Variants in DLGAP4 observed in about 807,000 individuals in gnomAD.
The protein encoded by DLGAP4 is disks large-associated protein 4.
Under a neutral mutation model 86.9 loss-of-function variants are expected in DLGAP4, and 18 were observed. That is an observed-to-expected ratio of 0.21 (90% CI 0.14 to 0.31). The LOEUF (loss-of-function observed/expected upper bound fraction) is 0.31, where lower values mean the gene tolerates loss of function less well. Ranked by LOEUF, DLGAP4 falls within the 10% of genes least tolerant of loss-of-function variation. The probability of loss-of-function intolerance (pLI) is 1.00; values close to 1 mark genes in which losing one functional copy is unlikely to be tolerated. For missense variants in DLGAP4, 1,085 were observed against 1,362.6 expected, an observed-to-expected ratio of 0.80 and a Z score of 3.21; for synonymous variants, 548 against 574.3, an observed-to-expected ratio of 0.95 and a Z score of 0.65.
chr20:36,317,453 C>CTTTTCTTTT (rs1569452788), intron 1 of DLGAP4, among the ~76,000 whole-genome samples: 1 of 110,598 alleles, frequency 9.0e-6, no homozygotes, highest in Non-Finnish European at 1.9e-5. Context: ...CCTTTCTTTT[C>CTTTTCTTTT]CTTCTCTTTC....
At chr20:36,505,664 T>G (rs2036331567) in intron 10 of DLGAP4, among the ~76,000 whole-genome samples, 1 of 151,968 alleles carries the variant, frequency 6.6e-6, no homozygotes, top group African/African-American at 2.4e-5. Context: ...TCATTCCAGC[T>G]ATTCGGGAGG....
Position 36,308,987 on chromosome 20 carries a change from C to A in DLGAP4, c.-304+2475C>A, listed in dbSNP as rs1479079517. On this transcript the variant is annotated intron_variant, in intron 1 of 12. Coordinates refer to ENST00000339266, the MANE Select transcript of DLGAP4 (RefSeq NM_001365621.2). This position sits in a 1 kb window ranked among gnomAD's most constrained non-coding sequence, Gnocchi z 4.5. ...CCCCAACTAGCTACTTTCTAGCCAC[C>A]TCTTGCTCCCCACCCCCTCCCTCTT... Among the ~76,000 whole-genome samples the A allele has an allele frequency of 6.6e-6, 1 of 151,800 alleles. No homozygotes were observed. Among genetic ancestry groups the A allele is most frequent in the Non-Finnish European group, 1.5e-5 (1 of 67,970 alleles).
At chr20:36,442,686 G>A in intron 5 of DLGAP4, 41 bp from the exon 6 acceptor site, 2 of 1,610,840 alleles carry the variant, frequency 1.2e-6, no homozygotes, top group South Asian at 2.2e-5. Flanking sequence ...CCCAGCCCCA[G>A]CCCTGGTCCT....
intron 2 of DLGAP4, among the ~76,000 whole-genome samples, chr20:36,422,894 C>T (rs913549439): frequency 3.9e-5 from 6 of 152,136 alleles, no homozygotes; most frequent in African/African-American, 1.4e-4. Flanking sequence ...AAAGGCAGCT[C>T]GAGGCAGCCA....
chr20:36,419,781 A>G (rs2032769778), intron 2 of DLGAP4, among the ~76,000 whole-genome samples: 1 of 152,232 alleles, frequency 6.6e-6, no homozygotes, highest in Non-Finnish European at 1.5e-5. Context: ...CCAAGGGAGC[A>G]AAGCAGAAGC....
chr20:36,457,457 G>A (rs2033907359), intron 7 of DLGAP4, among the ~76,000 whole-genome samples: 1 of 142,924 alleles, frequency 7.0e-6, no homozygotes, highest in African/African-American at 2.6e-5. Context: ...TGGCTGCAAT[G>A]TCCGCCTCCC....
At chr20:36,413,819 T>C (rs1038725757) in intron 2 of DLGAP4, among the ~76,000 whole-genome samples, 1 of 152,210 alleles carries the variant, frequency 6.6e-6, no homozygotes, top group Non-Finnish European at 1.5e-5. Context: ...TGCTGAGACA[T>C]GGATCAGAAC....
rs1459849225 is a variant in DLGAP4, at chr20:36,446,764, C to T, written c.1475C>T (p.Ser492Phe). 6.2e-7 allele frequency: 1 copy of T among 1,612,914 alleles called. No homozygotes were observed. Reference sequence around the variant, plus strand: ...GAGTCAGCCTGCAGTGAAGCGGAGTCCACAGCGGCAGAGACGCTTGACTTG... The same window carrying T: ...GAGTCAGCCTGCAGTGAAGCGGAGTTCACAGCGGCAGAGACGCTTGACTTG... Reference protein sequence around the residue: ...ACESACSEAESTAAETLDLPL... With the variant: ...ACESACSEAEFTAAETLDLPL... The change falls in exon 7 of 13, where the codon TCC (serine) becomes TTC (phenylalanine). Residue 492 changes from serine (S) to phenylalanine (F), a missense_variant. Physicochemically the swap from Ser to Phe is radical, Grantham distance 155 (BLOSUM62 -2). Coordinates refer to ENST00000339266, the MANE Select transcript of DLGAP4 (RefSeq NM_001365621.2).
chr20:36,307,313 G>A (rs1555889582), intron 1 of DLGAP4, among the ~76,000 whole-genome samples: 1 of 152,204 alleles, frequency 6.6e-6, no homozygotes, highest in African/African-American at 2.4e-5. Flanking sequence ...GGGTCCAGAT[G>A]TGCTGGGCCT....
Position 36,431,993 on chromosome 20 carries a change from C to T in DLGAP4, c.276C>T (p.Ala92=), listed in dbSNP as rs1184980829. 1 of 1,614,106 alleles carries T rather than the reference C, an allele frequency of 6.2e-7. No homozygotes were observed. Among genetic ancestry groups the T allele is most frequent in the African/African-American group, 1.3e-5 (1 of 74,952 alleles). The part of the protein sequence containing the change: ...VPEESPFPSH[A]QATKINRLPA... ...AGGAGAGCCCCTTCCCCAGCCATGC[C>T]CAAGCCACCAAGATCAACCGGCTGC... Residue 92 remains alanine (A), a synonymous_variant, in exon 3 of 13, where the codon GCC becomes GCT. Transcript: ENST00000339266. The surrounding 1 kb of genome is among the most constrained non-coding windows in gnomAD (Gnocchi z 5.1).
intron 11 of DLGAP4, among the ~76,000 whole-genome samples, 180 bp downstream of exon 11, chr20:36,524,521 G>A (rs1166809481): frequency 6.6e-6 from 1 of 152,230 alleles, no homozygotes; most frequent in African/African-American, 2.4e-5. Context: ...GGGGGCAAAA[G>A]TGGCCCTATC....
intron 2 of DLGAP4, among the ~76,000 whole-genome samples, chr20:36,377,076 T>G (rs768669870): frequency 3.3e-5 from 5 of 152,110 alleles, no homozygotes; most frequent in Non-Finnish European, 5.9e-5. Flanking sequence ...GAGAGGGGCT[T>G]GGCTTCCTGC....
At chr20:36,440,784 G>A (rs1173796695) in intron 5 of DLGAP4, among the ~76,000 whole-genome samples, 1 of 152,008 alleles carries the variant, frequency 6.6e-6, no homozygotes, top group Non-Finnish European at 1.5e-5. Flanking sequence ...AGCCCCCCGA[G>A]AAGGCAGACA....
At chr20:36,318,126 A>T (rs2065128730) in intron 1 of DLGAP4, among the ~76,000 whole-genome samples, 1 of 143,820 alleles carries the variant, frequency 7.0e-6, no homozygotes, top group African/African-American at 2.5e-5. Context: ...ACACACACAC[A>T]CACACACACA....
intron 5 of DLGAP4, among the ~76,000 whole-genome samples, chr20:36,441,226 T>A (rs2033438632): frequency 6.6e-6 from 1 of 152,184 alleles, no homozygotes; most frequent in African/African-American, 2.4e-5. Context: ...CCCTGTTGGA[T>A]CCTGTCCCTT....
At chr20:36,427,662 G>T (rs868783167) in intron 2 of DLGAP4, among the ~76,000 whole-genome samples, 1 of 151,994 alleles carries the variant, frequency 6.6e-6, no homozygotes, top group African/African-American at 2.4e-5. Flanking sequence ...AGGAAAAAAG[G>T]CTGGGTGCAG....
intron 7 of DLGAP4, among the ~76,000 whole-genome samples, chr20:36,475,346 G>A (rs917851564): frequency 2.0e-5 from 3 of 152,144 alleles, no homozygotes; most frequent in Non-Finnish European, 4.4e-5. Context: ...GAGTAGCTGG[G>A]ATTACAGGCG....
At chr20:36,342,377 T>C (rs1453270970) in intron 1 of DLGAP4, among the ~76,000 whole-genome samples, 2 of 152,080 alleles carry the variant, frequency 1.3e-5, no homozygotes, top group Admixed American at 1.3e-4. Flanking sequence ...GGTAGGCCAG[T>C]GAGTGTGTCT....
rs2036100273 is a variant in DLGAP4 at position 36,500,553 on chromosome 20, G to A, written c.2454G>A (p.Leu818=). 2.6e-6 allele frequency: 4 copies of A among 1,533,598 alleles called. No homozygotes were observed. The highest frequency in any genetic ancestry group is 2.8e-5 in the African/African-American group (2 of 72,168). 95.0% of individuals were successfully genotyped at this position (1,533,598 alleles called of 1,614,324 possible). A position where few individuals can be genotyped will look rare whatever the true frequency, so the allele number is the denominator to read the frequency against. Residue 818 remains leucine, a synonymous_variant, in exon 10 of 13, where the codon CTG becomes CTA. Transcript: ENST00000339266. The surrounding 1 kb of genome is among the most constrained non-coding windows in gnomAD (Gnocchi z 4.6). ...TACTGCAGGCAGAAACAGAGCGGCT[G>A]GAAGGCTGGTGCTGCCAGATGGACA... ...LKLLQAETER[L]EGWCCQMDKE...
Sources: gnomAD v4.1 joint callset for allele counts (sites outside exome capture counted in the v4.1 genomes callset) on GRCh38, gnomAD v4.1.1 for gene constraint, Gnocchi (gnomAD v3.1) non-coding constraint, MANE v1.5 for transcripts, NCBI Gene and HGNC (gene_info 2026-07-23, HGNC 2026-07-21) for gene names.